The following NKAIN2 variants were observed in gnomAD, a reference collection of about 807,000 sequenced individuals.
NKAIN2 encodes sodium/potassium transporting ATPase interacting 2.
In NKAIN2, 14 loss-of-function variants were observed where a neutral mutation model predicts 32.6. The ratio of observed to expected loss-of-function variants is 0.43; its 90% CI spans 0.28 to 0.67. NKAIN2 has a LOEUF of 0.67. Among genes scored for constraint, NKAIN2 ranks in the 30% least tolerant of loss-of-function variants. NKAIN2 has a pLI of 0.17. For synonymous variants in NKAIN2, 80 were observed against 87.2 expected (o/e 0.92, Z 0.46); for missense variants, 198 against 258.3 (o/e 0.77, Z 1.60).
At chr6:124,316,185 T>C (rs1208021908) in intron 2 of NKAIN2, among the ~76,000 whole-genome samples, 1 of 152,158 alleles carries the variant, frequency 6.6e-6, no homozygotes, top group Admixed American at 6.6e-5. Flanking sequence ...TTGACTACCC[T>C]GATTTGATCA....
At chr6:124,708,301 C>A (rs1775214325) in intron 4 of NKAIN2, among the ~76,000 whole-genome samples, 1 of 151,524 alleles carries the variant, frequency 6.6e-6, no homozygotes, top group African/African-American at 2.4e-5. Context: ...GTTCTTTTGG[C>A]TTAGGATTGC....
At chr6:123,818,668 G>C (rs1235178384) in intron 1 of NKAIN2, among the ~76,000 whole-genome samples, 1 of 152,056 alleles carries the variant, frequency 6.6e-6, no homozygotes, top group African/African-American at 2.4e-5. Flanking sequence ...TGGAGAAAGG[G>C]GAGTAAATTA....
chr6:124,537,201 A>G (rs1779748136), intron 3 of NKAIN2, among the ~76,000 whole-genome samples: 1 of 152,188 alleles, frequency 6.6e-6, no homozygotes, highest in South Asian at 2.1e-4. Context: ...ATCTCAGAAG[A>G]AAAATTGGAA....
At chr6:124,644,744 T>C (rs1308998909) in intron 3 of NKAIN2, among the ~76,000 whole-genome samples, 2 of 152,182 alleles carry the variant, frequency 1.3e-5, no homozygotes, top group East Asian at 3.9e-4. Flanking sequence ...ACATTGAGAC[T>C]TGTGGTTTGT....
At chr6:124,298,807 A>G (rs1050845544) in intron 2 of NKAIN2, among the ~76,000 whole-genome samples, 3 of 152,138 alleles carry the variant, frequency 2.0e-5, no homozygotes, top group Non-Finnish European at 2.9e-5. Flanking sequence ...ACCACTTTAG[A>G]ACAGCACAGC....
Position 124,288,373 on chromosome 6 carries a change from A to G in NKAIN2, c.192+5231A>G, listed in dbSNP as rs558720831. Among the ~76,000 whole-genome samples, 7 of 152,338 alleles carry G rather than the reference A, an allele frequency of 4.6e-5. No homozygotes were observed. The South Asian group carries it at 1.2e-3, about 27-fold the overall frequency. ...GTGCTGTTAAGTTGTGGGCAAATTTAAAATTCATTACAGCATTTGTGATTT... is the reference window on the plus strand; with the variant it reads ...GTGCTGTTAAGTTGTGGGCAAATTTGAAATTCATTACAGCATTTGTGATTT... On this transcript the variant is annotated intron_variant, in intron 2 of 6. Coordinates refer to ENST00000368417, the MANE Select transcript of NKAIN2 (RefSeq NM_001040214.3).
chr6:124,379,295 G>C, intron 3 of NKAIN2, among the ~76,000 whole-genome samples: 1 of 116,516 alleles, frequency 8.6e-6, no homozygotes, highest in East Asian at 2.7e-4. Flanking sequence ...AGAGGAGAGA[G>C]AAAGGAGAAA....
intron 4 of NKAIN2, among the ~76,000 whole-genome samples, chr6:124,670,826 G>T (rs1320720782): frequency 1.3e-5 from 2 of 151,970 alleles, no homozygotes; most frequent in African/African-American, 2.4e-5. Context: ...CAAATAGTCT[G>T]CCCATCAGCT....
At chr6:123,930,078 A>G (rs746869048) in intron 1 of NKAIN2, among the ~76,000 whole-genome samples, 5 of 152,124 alleles carry the variant, frequency 3.3e-5, no homozygotes, top group Non-Finnish European at 7.4e-5. Flanking sequence ...GTGTTGTACA[A>G]TGTACAACAA....
intron 3 of NKAIN2, among the ~76,000 whole-genome samples, chr6:124,565,211 C>T (rs1304270266): frequency 1.3e-5 from 2 of 152,106 alleles, no homozygotes; most frequent in East Asian, 1.9e-4. Flanking sequence ...TCTTAGTGCT[C>T]AGGCAGAATG....
intron 1 of NKAIN2, among the ~76,000 whole-genome samples, chr6:124,078,786 T>TTTTGTG (rs1377093029): frequency 3.5e-5 from 5 of 144,644 alleles, no homozygotes; most frequent in South Asian, 2.2e-4. Flanking sequence ...TATGTCGTTT[T>TTTTGTG]TGTGTGTGTG....
chr6:123,970,110 G>GATATATATATATATAT (rs71541239), intron 1 of NKAIN2, among the ~76,000 whole-genome samples: 1 of 149,198 alleles, frequency 6.7e-6, no homozygotes, highest in Non-Finnish European at 1.5e-5. Context: ...TTATTAAATG[G>GATATATATATATATAT]ATATATATAT....
chr6:124,090,830 G>A (rs566194738), intron 1 of NKAIN2, among the ~76,000 whole-genome samples: 32 of 152,030 alleles, frequency 2.1e-4, no homozygotes, highest in Middle Eastern at 3.4e-3. Context: ...ATTTAACTAT[G>A]AAACATTTTA....
At chr6:124,514,152 T>C (rs1283180978) in intron 3 of NKAIN2, among the ~76,000 whole-genome samples, 2 of 152,182 alleles carry the variant, frequency 1.3e-5, no homozygotes, top group Non-Finnish European at 2.9e-5. Flanking sequence ...GGGAGATGAT[T>C]CTACTGGTCA....
intron 4 of NKAIN2, among the ~76,000 whole-genome samples, chr6:124,678,091 GA>G (rs1773448389): frequency 6.6e-6 from 1 of 152,022 alleles, no homozygotes; most frequent in African/African-American, 2.4e-5. Flanking sequence ...CAGTCTTATA[GA>G]AACTACCTTG....
intron 1 of NKAIN2, among the ~76,000 whole-genome samples, chr6:124,214,625 C>T (rs1490040537): frequency 6.6e-6 from 1 of 151,960 alleles, no homozygotes; most frequent in Non-Finnish European, 1.5e-5. Flanking sequence ...CACTTGAACC[C>T]AGGAGGTGGA....
At chr6:123,938,449 T>C (rs867187682) in intron 1 of NKAIN2, among the ~76,000 whole-genome samples, 1,896 of 75,362 alleles carry the variant, frequency 0.025, 40 homozygotes, top group African/African-American at 0.067. Flanking sequence ...TATATATATA[T>C]ATACACACAC....
chr6:124,199,943 G>A lies in NKAIN2; in HGVS notation c.55-83062G>A, dbSNP rs1582835648. Among the ~76,000 whole-genome samples the A allele has an allele frequency of 2.6e-5, 4 of 152,234 alleles. 1 individual carries two copies. In the South Asian group the frequency reaches 6.2e-4, roughly 24 times the overall value. On this transcript the variant is annotated intron_variant, in intron 1 of 6. Coordinates refer to ENST00000368417, the MANE Select transcript of NKAIN2 (RefSeq NM_001040214.3). Reference sequence around the variant, plus strand: ...GTGTTGAACTAATGACCTTTCAGAAGCATATAAATGTTATTGTTTGACATT... The same window carrying A: ...GTGTTGAACTAATGACCTTTCAGAAACATATAAATGTTATTGTTTGACATT...
chr6:124,575,783 T>C (rs1289854612), intron 3 of NKAIN2, among the ~76,000 whole-genome samples: 1 of 152,208 alleles, frequency 6.6e-6, no homozygotes, highest in Admixed American at 6.5e-5. Flanking sequence ...TCTCTCTTAA[T>C]CTCCTTACTT....
Sources: allele counts gnomAD v4.1 joint callset (sites outside exome capture counted in the v4.1 genomes callset), GRCh38; gene constraint gnomAD v4.1.1; transcripts MANE v1.5; gene names NCBI Gene and HGNC (gene_info 2026-07-23, HGNC 2026-07-21).